DLEU7: variants seen among roughly 807,000 people sequenced by gnomAD.
DLEU7 encodes leukemia-associated protein 7.
DLEU7 carries 17 observed loss-of-function variants against 16.0 expected under a neutral mutation model. The ratio of observed to expected loss-of-function variants is 1.06; its 90% CI spans 0.73 to 1.59. The LOEUF is 1.59. DLEU7 is among the 40% of genes most tolerant of loss of function. The pLI, the probability that DLEU7 is intolerant of heterozygous loss-of-function variation, is 0.00. For synonymous variants in DLEU7, 113 were observed against 139.8 expected (o/e 0.81, Z 1.35); for missense variants, 308 against 314.9 (o/e 0.98, Z 0.17).
chr13:50,714,621 C>T (rs1382748522), intron 1 of DLEU7, among the ~76,000 whole-genome samples: 15 of 152,146 alleles, frequency 9.9e-5, no homozygotes, highest in Admixed American at 7.2e-4. Context: ...ATCTTAGCTA[C>T]GCAAGGGGAG....
At chr13:50,734,542 G>A (rs1337768054) in intron 1 of DLEU7, among the ~76,000 whole-genome samples, 1 of 151,948 alleles carries the variant, frequency 6.6e-6, no homozygotes, top group African/African-American at 2.4e-5. Flanking sequence ...GGGAGCCAAA[G>A]CACACTCAAA....
chr13:50,799,876 T>C (rs1876201094), intron 1 of DLEU7, among the ~76,000 whole-genome samples: 1 of 152,194 alleles, frequency 6.6e-6, no homozygotes, highest in South Asian at 2.1e-4. Context: ...ACAGTAGAAG[T>C]TTTAGATTAT....
At chr13:50,768,332 A>G (rs1232491012) in intron 1 of DLEU7, among the ~76,000 whole-genome samples, 1 of 151,950 alleles carries the variant, frequency 6.6e-6, no homozygotes, top group African/African-American at 2.4e-5. Flanking sequence ...CACGTGCACA[A>G]TGTGCAGGTT....
chr13:50,712,524 C>G (rs1366310534), exon 2 of DLEU7: 2 of 152,584 alleles, frequency 1.3e-5, no homozygotes, highest in Non-Finnish European at 2.9e-5. Context: ...AATTTTTTTA[C>G]TCTCATCCAA....
At chr13:50,711,152 G>A (rs921780258), downstream of DLEU7, 22 of 151,934 alleles carry the variant, frequency 1.4e-4, no homozygotes, top group African/African-American at 4.4e-4. Context: ...GCCAATATTG[G>A]TATTTTCTGT....
intron 1 of DLEU7, among the ~76,000 whole-genome samples, chr13:50,772,451 G>A (rs1294860286): frequency 1.3e-5 from 2 of 152,186 alleles, no homozygotes; most frequent in Non-Finnish European, 2.9e-5. Context: ...GCTCTTGTAA[G>A]GCAGGCCTGG....
chr13:50,772,688 T>G (rs1875357322), intron 1 of DLEU7, among the ~76,000 whole-genome samples: 1 of 152,224 alleles, frequency 6.6e-6, no homozygotes, highest in Non-Finnish European at 1.5e-5. Context: ...TCTCTCTGGC[T>G]GCCCTTAACA....
chr13:50,783,876 C>T (rs1352210194), intron 1 of DLEU7, among the ~76,000 whole-genome samples: 1 of 152,138 alleles, frequency 6.6e-6, no homozygotes, highest in Non-Finnish European at 1.5e-5. Context: ...CATACCACGC[C>T]CAAAGGAACA....
At chr13:50,823,560 T>C (rs1284302784) in intron 1 of DLEU7, 40 bp from the exon 2 acceptor site, 2 of 1,529,598 alleles carry the variant, frequency 1.3e-6, no homozygotes, top group African/African-American at 1.4e-5. Context: ...ATTAGATAGG[T>C]TATGGGGGCC....
At chr13:50,840,000 C>T (rs1005008076) in intron 1 of DLEU7, 7 of 152,146 alleles carry the variant, frequency 4.6e-5, no homozygotes, top group African/African-American at 1.7e-4. Context: ...TGGGACTTGA[C>T]TGCTGTGCTA....
At chr13:50,725,603 T>C (rs1873742963) in intron 1 of DLEU7, among the ~76,000 whole-genome samples, 1 of 152,112 alleles carries the variant, frequency 6.6e-6, no homozygotes, top group African/African-American at 2.4e-5. Flanking sequence ...TAGCATAATT[T>C]CATGTTTTCA....
chr13:50,761,563 A>C (rs913590438), intron 1 of DLEU7, among the ~76,000 whole-genome samples: 1 of 152,062 alleles, frequency 6.6e-6, no homozygotes, highest in Admixed American at 6.5e-5. Context: ...TGTGGATCAC[A>C]TGGCCTCTCC....
chr13:50,813,185 C>G (rs1876620485), intron 1 of DLEU7: 2 of 152,122 alleles, frequency 1.3e-5, no homozygotes, highest in Non-Finnish European at 2.9e-5. Context: ...GAAATATATA[C>G]TTACATTGAT....
chr13:50,764,203 C>T (rs1053121654), intron 1 of DLEU7, among the ~76,000 whole-genome samples: 6 of 152,200 alleles, frequency 3.9e-5, no homozygotes, highest in African/African-American at 1.2e-4. Context: ...TCCTCCCTTA[C>T]AGTGTTTTGT....
At chr13:50,799,525 C>T (rs1400491022) in intron 1 of DLEU7, among the ~76,000 whole-genome samples, 1 of 152,178 alleles carries the variant, frequency 6.6e-6, no homozygotes, top group East Asian at 1.9e-4. Flanking sequence ...TTGTAAAAAG[C>T]TTTGACATTG....
intron 1 of DLEU7, among the ~76,000 whole-genome samples, chr13:50,827,583 G>A (rs1289706144): frequency 1.3e-5 from 2 of 152,018 alleles, no homozygotes; most frequent in Non-Finnish European, 2.9e-5. Context: ...CTACTCAGGA[G>A]GCTGAGGTGG....
intron 1 of DLEU7, among the ~76,000 whole-genome samples, chr13:50,744,541 G>A (rs1378483341): frequency 1.3e-5 from 2 of 152,102 alleles, no homozygotes; most frequent in African/African-American, 4.8e-5. Context: ...ACTTTTGTGG[G>A]TGAACGCTTT....
intron 1 of DLEU7, among the ~76,000 whole-genome samples, chr13:50,810,087 C>A (rs950945768): frequency 6.7e-6 from 1 of 150,024 alleles, no homozygotes; most frequent in Non-Finnish European, 1.5e-5. Context: ...TACATTCAGA[C>A]CATTGATACG....
intron 1 of DLEU7, among the ~76,000 whole-genome samples, chr13:50,806,688 TTACA>T (rs1405565966): frequency 6.6e-6 from 1 of 152,142 alleles, no homozygotes; most frequent in African/African-American, 2.4e-5. Context: ...ACTTATTTAG[TTACA>T]TATTGGGCTT....
Sources: gnomAD v4.1 joint callset for allele counts (sites outside exome capture counted in the v4.1 genomes callset) on GRCh38, gnomAD v4.1.1 for gene constraint, MANE v1.5 for transcripts, NCBI Gene and HGNC (gene_info 2026-07-23, HGNC 2026-07-21) for gene names.